GPR107: variants seen among roughly 807,000 people sequenced by gnomAD.
The protein encoded by GPR107 is G protein-coupled receptor 107, also known as protein GPR107.
A neutral mutation model predicts 75.5 loss-of-function variants in GPR107; 31 were observed. That is an observed-to-expected ratio of 0.41 (90% CI 0.31 to 0.55). GPR107 has a LOEUF of 0.55. Ranked by LOEUF, GPR107 falls within the 20% of genes least tolerant of loss-of-function variation. The pLI, the probability that GPR107 is intolerant of heterozygous loss-of-function variation, is 0.26. For synonymous variants in GPR107, 267 were observed against 251.3 expected, an observed-to-expected ratio of 1.06 and a Z score of -0.59; for missense variants, 572 against 665.7, an observed-to-expected ratio of 0.86 and a Z score of 1.55.
intron 9 of GPR107, among the ~76,000 whole-genome samples, chr9:130,094,261 G>A (rs1407402603): frequency 3.3e-5 from 5 of 152,262 alleles, no homozygotes; most frequent in South Asian, 2.1e-4. Context: ...TGGCTAACAC[G>A]GTGAAACCCC....
Position 130,124,958 on chromosome 9 carries a change from C to A in GPR107, c.1350C>A (p.Tyr450Ter). 2.9e-6 allele frequency: 4 copies of A among 1,402,694 alleles called. No individual in the cohort carries two copies. The highest frequency in any genetic ancestry group is 3.8e-6 in the Non-Finnish European group (4 of 1,051,326). 86.9% of individuals were successfully genotyped at this position (1,402,694 alleles called of 1,614,324 possible). ...AGCTGAAACTTTTCAGACATTATTA[C>A]GTCTTGGTAAGTAAAAAAAAAAAAA... is the stretch of plus-strand genomic sequence containing the variant. Reference protein sequence around the residue: ...LAKLKLFRHYYVLIVCYIYFT... With the variant: ...LAKLKLFRHY The change falls in exon 15 of 18, where the codon TAC becomes TAA. Residue 450 changes from tyrosine to a stop codon, truncating the protein, a stop_gained. Transcript: ENST00000347136. LOFTEE classifies it high-confidence loss of function.
At chr9:130,078,143 TGA>T (rs1161935669) in intron 4 of GPR107, among the ~76,000 whole-genome samples, 1 of 148,720 alleles carries the variant, frequency 6.7e-6, no homozygotes, top group African/African-American at 2.5e-5. Flanking sequence ...CCAGCCTGGG[TGA>T]GAGAGTGAGA....
At chr9:130,108,167 G>A (rs1195000115) in intron 14 of GPR107, among the ~76,000 whole-genome samples, 1 of 152,232 alleles carries the variant, frequency 6.6e-6, no homozygotes. Context: ...CATAGCACAA[G>A]TGAGAATTTC....
chr9:130,132,752 C>T (rs1039305667), intron 17 of GPR107, among the ~76,000 whole-genome samples: 2 of 151,668 alleles, frequency 1.3e-5, no homozygotes, highest in East Asian at 3.9e-4. Flanking sequence ...CGCCACTGCA[C>T]TCCAGCCTGG....
intron 12 of GPR107, 70 bp downstream of exon 12, chr9:130,101,293 A>T: frequency 2.4e-6 from 2 of 844,874 alleles, no homozygotes; most frequent in Admixed American, 1.8e-5. Flanking sequence ...CCAAGCCTGT[A>T]TGGGAAGAGG....
Position 130,063,628 on chromosome 9 carries a change from TATGCCAGTGTGCTTCCTTCTGAAA to T in GPR107, c.141+9558_141+9581del, listed in dbSNP as rs999291363. Among the ~76,000 whole-genome samples, 10 of 152,298 alleles carry T rather than the reference TATGCCAGTGTGCTTCCTTCTGAAA, an allele frequency of 6.6e-5. 1 individual carries two copies. The highest frequency in any genetic ancestry group is 2.2e-4 in the African/African-American group (9 of 41,588). On this transcript the variant is annotated intron_variant, in intron 1 of 17. Transcript: ENST00000347136. ...TTAGTGACTGCTGTTTGGTGGCATG[TATGCCAGTGTGCTTCCTTCTGAAA>T]ATACCAGTGTAGTATAATAAAATAT...
At chr9:130,080,860 A>T (rs1233399692) in intron 5 of GPR107, among the ~76,000 whole-genome samples, 1 of 151,090 alleles carries the variant, frequency 6.6e-6, no homozygotes, top group Non-Finnish European at 1.5e-5. Flanking sequence ...ACCAATTTAT[A>T]TTCACCATTT....
chr9:130,108,440 C>T (rs533042351), intron 14 of GPR107, among the ~76,000 whole-genome samples: 107 of 152,290 alleles, frequency 7.0e-4, no homozygotes, highest in Middle Eastern at 3.4e-3. Flanking sequence ...TAACTAATAA[C>T]GCATTATTTC....
intron 14 of GPR107, chr9:130,108,751 A>AT (rs1564677850): frequency 8.8e-6 from 4 of 455,474 alleles, no homozygotes; most frequent in East Asian, 7.0e-5. Flanking sequence ...CCGTTTTCTC[A>AT]TTTTTTTCCC....
Position 130,135,546 on chromosome 9 carries a change from C to T in GPR107, c.*425C>T, listed in dbSNP as rs1032875574. On this transcript the variant is annotated 3_prime_UTR_variant, in exon 18 of 18. Transcript: ENST00000347136. ...TGTCTGATGCTTTAGGAAATGTCTACTGAGGACCCTGGGACTTAAGAAGAA... is the reference window on the plus strand; with the variant it reads ...TGTCTGATGCTTTAGGAAATGTCTATTGAGGACCCTGGGACTTAAGAAGAA... 6.3e-6 allele frequency: 1 copy of T among 157,806 alleles called. No homozygotes were observed. Among genetic ancestry groups the T allele is most frequent in the African/African-American group, 2.4e-5 (1 of 41,474 alleles). The allele number at this position is 157,806 out of a possible 1,614,324, so 9.8% of individuals were successfully genotyped here. A position where few individuals can be genotyped will look rare whatever the true frequency, so the allele number is the denominator to read the frequency against.
intron 12 of GPR107, 100 bp from the exon 13 acceptor site, chr9:130,104,320 C>G (rs917483374): frequency 1.0e-6 from 1 of 953,276 alleles, no homozygotes; most frequent in Non-Finnish European, 1.6e-6. Context: ...GGTCGCAGAT[C>G]GTGGGTCTGG....
At chr9:130,126,578 G>A (rs958813498) in intron 15 of GPR107, among the ~76,000 whole-genome samples, 18 of 152,046 alleles carry the variant, frequency 1.2e-4, no homozygotes. Flanking sequence ...TCGAACTCCT[G>A]ACCTCAGGTG....
chr9:130,063,992 A>G (rs1829997679), intron 1 of GPR107, among the ~76,000 whole-genome samples: 1 of 150,670 alleles, frequency 6.6e-6, no homozygotes, highest in Admixed American at 6.6e-5. Flanking sequence ...TTTAGTAGAG[A>G]CGGGGTTACA....
In GPR107 at chr9:130,099,471, A is replaced by C; in HGVS notation, c.878A>C (p.Lys293Thr). ...TGTTTTTATAGGAATGATGTATTTA[A>C]AATCCACTGGCTGATGGCGGCCCTT... ...ILRKRRNDVF[K>T]IHWLMAALPF... The change falls in exon 10 of 18, where the codon AAA becomes ACA. Residue 293 changes from lysine (K) to threonine (T), a missense_variant. Physicochemically the swap from Lys to Thr is moderately conservative, Grantham distance 78 (BLOSUM62 -1). Coordinates refer to ENST00000347136, the MANE Select transcript of GPR107 (RefSeq NM_020960.5). The C allele has an allele frequency of 1.3e-6, 2 of 1,594,864 alleles. No individual in the cohort carries two copies. Among genetic ancestry groups the C allele is most frequent in the Non-Finnish European group, 1.7e-6 (2 of 1,162,596 alleles).
rs1554900003 is a variant in GPR107, at chr9:130,136,570, C to T, written c.*1449C>T. Reference sequence around the variant, plus strand: ...TCGTGGTCTCTGGGAGTTGTTTTCTCACCTCTGGCTTAGAAGGGTCAGGCA... The same window carrying T: ...TCGTGGTCTCTGGGAGTTGTTTTCTTACCTCTGGCTTAGAAGGGTCAGGCA... On this transcript the variant is annotated 3_prime_UTR_variant, in exon 18 of 18. Coordinates refer to ENST00000347136, the MANE Select transcript of GPR107 (RefSeq NM_020960.5). The T allele has an allele frequency of 6.6e-6, 1 of 152,174 alleles. No individual in the cohort carries two copies. The highest frequency in any genetic ancestry group is 1.9e-4 in the East Asian group (1 of 5,178). The allele number at this position is 152,174 out of a possible 1,614,324, so 9.4% of individuals were successfully genotyped here.
intron 16 of GPR107, among the ~76,000 whole-genome samples, 200 bp from the exon 17 acceptor site, chr9:130,128,440 A>T (rs1167194521): frequency 6.6e-6 from 1 of 152,172 alleles, no homozygotes; most frequent in Non-Finnish European, 1.5e-5. Flanking sequence ...CAGCCTCGGA[A>T]ATGTCAGCCC....
At chr9:130,114,051 ATT>A (rs35152076) in intron 14 of GPR107, among the ~76,000 whole-genome samples, 3 of 81,206 alleles carry the variant, frequency 3.7e-5, no homozygotes, top group African/African-American at 1.1e-4. Flanking sequence ...TTTTTTTTTC[ATT>A]TTTTTTTTTT....
chr9:130,125,466 C>T (rs1482794961), intron 15 of GPR107, among the ~76,000 whole-genome samples: 1 of 149,742 alleles, frequency 6.7e-6, no homozygotes, highest in Non-Finnish European at 1.5e-5. Context: ...CTCCTGGGTT[C>T]AGAGCTCAAA....
intron 14 of GPR107, among the ~76,000 whole-genome samples, chr9:130,123,970 C>T (rs1831613765): frequency 6.6e-6 from 1 of 152,094 alleles, no homozygotes; most frequent in Admixed American, 6.5e-5. Context: ...TCTGAGTGTC[C>T]CTCATTAGTG....
Sources: allele counts gnomAD v4.1 joint callset (sites outside exome capture counted in the v4.1 genomes callset), GRCh38; gene constraint gnomAD v4.1.1; transcripts MANE v1.5; gene names NCBI Gene and HGNC (gene_info 2026-07-23, HGNC 2026-07-21).